AKT3: variants seen among roughly 807,000 people sequenced by gnomAD.
The protein encoded by AKT3 is RAC-gamma serine/threonine-protein kinase.
In AKT3, 15 loss-of-function variants were observed where a neutral mutation model predicts 65.3. The ratio of observed to expected loss-of-function variants is 0.23; its 90% confidence interval spans 0.15 to 0.35. The LOEUF is 0.35. AKT3 is among the 10% of genes least tolerant of loss of function. AKT3 has a pLI of 1.00. For synonymous variants in AKT3, 206 were observed against 183.8 expected (o/e 1.12, Z -0.98); for missense variants, 243 against 576.5 (o/e 0.42, Z 5.92).
At chr1:243,585,215 C>T (rs772989850) in intron 8 of AKT3, among the ~76,000 whole-genome samples, 4 of 151,998 alleles carry the variant, frequency 2.6e-5, no homozygotes, top group South Asian at 4.2e-4. Context: ...CTACAAGACA[C>T]CGTTAAAAGA....
intron 3 of AKT3, among the ~76,000 whole-genome samples, chr1:243,672,446 A>C (rs1472664188): frequency 6.6e-6 from 1 of 152,222 alleles, no homozygotes; most frequent in African/African-American, 2.4e-5. Context: ...TTATCACCCA[A>C]ACTCAACATA....
chr1:243,545,658 CA>C (rs1233047536), intron 11 of AKT3, 61 bp from the exon 12 acceptor site: 5 of 1,213,690 alleles, frequency 4.1e-6, no homozygotes, highest in Non-Finnish European at 6.0e-6. Flanking sequence ...CAAAGCATAA[CA>C]AAAAATATTT....
intron 3 of AKT3, among the ~76,000 whole-genome samples, chr1:243,667,654 A>G (rs551894614): frequency 1.3e-4 from 20 of 152,296 alleles, no homozygotes; most frequent in Non-Finnish European, 2.4e-4. Flanking sequence ...TTCTCAACAC[A>G]GCAGCCAGAA....
intron 5 of AKT3, 45 bp from the exon 6 acceptor site, chr1:243,637,787 AATTT>A: frequency 1.5e-6 from 2 of 1,370,890 alleles, no homozygotes; most frequent in Admixed American, 4.2e-5. Context: ...TATTTGATGC[AATTT>A]ATTTGTTAGC....
intron 2 of AKT3, among the ~76,000 whole-genome samples, chr1:243,719,867 G>T (rs1435495486): frequency 6.6e-6 from 1 of 152,200 alleles, no homozygotes; most frequent in Non-Finnish European, 1.5e-5. Flanking sequence ...GCAAAAAACA[G>T]TCTAGATTGG....
chr1:243,551,410 C>T (rs994296605), intron 11 of AKT3, among the ~76,000 whole-genome samples: 1 of 152,104 alleles, frequency 6.6e-6, no homozygotes, highest in African/African-American at 2.4e-5. Context: ...CTTCACAAAG[C>T]AGAAAGACAA....
intron 8 of AKT3, among the ~76,000 whole-genome samples, chr1:243,599,218 A>G (rs1331643958): frequency 6.6e-6 from 1 of 152,228 alleles, no homozygotes; most frequent in Non-Finnish European, 1.5e-5. Flanking sequence ...CACTACAAAA[A>G]CAAATGCTAA....
At chr1:243,747,487 G>C (rs1414493609) in intron 2 of AKT3, among the ~76,000 whole-genome samples, 1 of 152,108 alleles carries the variant, frequency 6.6e-6, no homozygotes, top group Non-Finnish European at 1.5e-5. Flanking sequence ...TGCCATTGCT[G>C]CTAAGTTGTA....
At chr1:243,793,567 GGT>G (rs1204253049) in intron 2 of AKT3, 2 of 151,896 alleles carry the variant, frequency 1.3e-5, no homozygotes, top group Non-Finnish European at 2.9e-5. Flanking sequence ...TGAGGCCAGG[GGT>G]TCAAGACCAG....
chr1:243,771,008 G>C (rs1386648920), intron 2 of AKT3, among the ~76,000 whole-genome samples: 1 of 152,110 alleles, frequency 6.6e-6, no homozygotes, highest in African/African-American at 2.4e-5. Context: ...GATAATGCAT[G>C]ATTTCAGGGA....
chr1:243,824,923 TA>T (rs902282032), intron 2 of AKT3, among the ~76,000 whole-genome samples: 2 of 152,172 alleles, frequency 1.3e-5, no homozygotes, highest in Non-Finnish European at 2.9e-5. Flanking sequence ...CAAAGGAATA[TA>T]AATCAATCTA....
chr1:243,495,576 C>T (rs562087123), downstream of AKT3, among the ~76,000 whole-genome samples: 38 of 152,308 alleles, frequency 2.5e-4, no homozygotes, highest in African/African-American at 9.1e-4. Flanking sequence ...AAAGGCCTGA[C>T]CCGGAGGGGA....
At chr1:243,554,830 C>G in intron 10 of AKT3, among the ~76,000 whole-genome samples, 1 of 151,864 alleles carries the variant, frequency 6.6e-6, no homozygotes, top group Admixed American at 6.6e-5. Flanking sequence ...GGATTAACTG[C>G]CTCCCGAACC....
intron 12 of AKT3, among the ~76,000 whole-genome samples, chr1:243,519,193 C>T (rs1452457638): frequency 6.6e-6 from 1 of 152,178 alleles, no homozygotes; most frequent in African/African-American, 2.4e-5. Context: ...GAAACAACAG[C>T]CAACACCATA....
At chr1:243,776,687 TAC>T (rs1690572666) in intron 2 of AKT3, among the ~76,000 whole-genome samples, 3 of 152,174 alleles carry the variant, frequency 2.0e-5, no homozygotes, top group South Asian at 2.1e-4. Context: ...AATTATAGCT[TAC>T]ACAGACTAAA....
At chr1:243,850,295 AGGCGGCGGC>A (rs34490111), upstream of AKT3, among the ~76,000 whole-genome samples, 143 of 118,334 alleles carry the variant, frequency 1.2e-3, no homozygotes, top group East Asian at 5.4e-3. Flanking sequence ...CTGGAGCGGG[AGGCGGCGGC>A]GGCGGCGGCG....
chr1:243,604,367 T>A (rs1677237962), intron 8 of AKT3, among the ~76,000 whole-genome samples: 1 of 152,212 alleles, frequency 6.6e-6, no homozygotes, highest in South Asian at 2.1e-4. Context: ...TGCCTTCATC[T>A]AAATGACTTG....
intron 2 of AKT3, among the ~76,000 whole-genome samples, chr1:243,734,572 C>A (rs78606816): frequency 3.9e-4 from 59 of 152,016 alleles, no homozygotes; most frequent in Non-Finnish European, 6.3e-4. Flanking sequence ...AAGTGGCACA[C>A]CTCTATAGGG....
At chr1:243,525,294 C>G (rs960303398) in intron 12 of AKT3, among the ~76,000 whole-genome samples, 2 of 152,050 alleles carry the variant, frequency 1.3e-5, no homozygotes, top group African/African-American at 4.8e-5. Flanking sequence ...TTCTTTGCTG[C>G]AACCTAACCG....
Sources: allele counts gnomAD v4.1 joint callset (sites outside exome capture counted in the v4.1 genomes callset), GRCh38; gene constraint gnomAD v4.1.1; transcripts MANE v1.5; gene names NCBI Gene and HGNC (gene_info 2026-07-23, HGNC 2026-07-21).